Variants in CCNL1 observed in about 807,000 individuals in gnomAD.
CCNL1 encodes cyclin-L1.
Under a neutral mutation model 60.6 loss-of-function variants are expected in CCNL1, and 13 were observed. The observed-to-expected ratio is 0.21, with a 90% CI of 0.14 to 0.34. The LOEUF (loss-of-function observed/expected upper bound fraction) is 0.34. Among genes scored for constraint, CCNL1 ranks in the 10% least tolerant of loss-of-function variants. The pLI is 1.00. For synonymous variants in CCNL1, 270 were observed against 244.3 expected (o/e 1.10, Z -0.98); for missense variants, 481 against 664.3 (o/e 0.72, Z 3.03).
At chr3:157,153,358 G>A in intron 3 of CCNL1, 3 of 454,412 alleles carry the variant, frequency 6.6e-6, no homozygotes, top group Non-Finnish European at 1.2e-5. Flanking sequence ...AGTTCCTAAA[G>A]GAACTAACAA....
At position 157,152,255 on chromosome 3, in the gene CCNL1, G is replaced by GA. The variant is rs766969988; in HGVS notation, c.610-15dup. 43 of 1,600,332 alleles carry GA rather than the reference G, an allele frequency of 2.7e-5. No individual in the cohort carries two copies. The highest frequency in any genetic ancestry group is 4.1e-5 in the African/African-American group (3 of 73,900). On this transcript the variant is annotated splice_polypyrimidine_tract_variant and intron_variant, in intron 4 of 10. Coordinates refer to ENST00000295926, the MANE Select transcript of CCNL1 (RefSeq NM_020307.4). ...CATAACAATGATCTGAAGGACAAGG[G>GA]AAAAAAACTCAATTCAGTATACTGG... is the stretch of plus-strand genomic sequence containing the variant.
At chr3:157,159,662 G>A in intron 1 of CCNL1, 130 bp downstream of exon 1, 2 of 1,062,304 alleles carry the variant, frequency 1.9e-6, no homozygotes, top group East Asian at 5.4e-5. Flanking sequence ...CCCGGCCGCG[G>A]CTGGGCCCCG....
At position 157,149,986 on chromosome 3, in the gene CCNL1, G is replaced by GAA; in HGVS notation, c.880-10_880-9insTT. The GAA allele has an allele frequency of 1.3e-6, 2 of 1,535,726 alleles. No individual in the cohort carries two copies. Among genetic ancestry groups the GAA allele is most frequent in the Admixed American group, 2.1e-5 (1 of 47,706 alleles). Reference sequence around the variant, plus strand: ...AGTAATTCATAGTTTGGCTGTTGGAGGAAAAAAAAGTTAGTATTTCTTCCT... The same window carrying GAA: ...AGTAATTCATAGTTTGGCTGTTGGAGAAGAAAAAAAAGTTAGTATTTCTTCCT... On this transcript the variant is annotated splice_polypyrimidine_tract_variant and intron_variant, in intron 7 of 10. Coordinates refer to ENST00000295926, the MANE Select transcript of CCNL1 (RefSeq NM_020307.4).
At position 157,147,740 on chromosome 3, in the gene CCNL1, T is replaced by G. The variant is rs1014827040; in HGVS notation, c.*501A>C. 1.9e-5 allele frequency: 19 copies of G among 984,454 alleles called. No homozygotes were observed. Among genetic ancestry groups the G allele is most frequent in the Non-Finnish European group, 2.2e-5 (18 of 829,144 alleles). The allele number at this position is 984,454 out of a possible 1,614,324, so 61.0% of individuals were successfully genotyped here. A position where few individuals can be genotyped will look rare whatever the true frequency, so the allele number is the denominator to read the frequency against. ...TTTGTCAGAAAACCAGTACAGCCAT[T>G]TTGCTATTAAAATTTTCCTTTTTAA... is the stretch of plus-strand genomic sequence containing the variant. On this transcript the variant is annotated 3_prime_UTR_variant, in exon 11 of 11. Transcript: ENST00000295926.
intron 8 of CCNL1, 61 bp downstream of exon 8, chr3:157,149,775 C>G (rs759054446): frequency 3.6e-5 from 56 of 1,566,022 alleles, no homozygotes; most frequent in Non-Finnish European, 4.8e-5. Flanking sequence ...AATGTAAAAG[C>G]TCTCTAATAA....
chr3:157,156,670 A>C (rs1738647807), intron 3 of CCNL1, among the ~76,000 whole-genome samples: 1 of 152,240 alleles, frequency 6.6e-6, no homozygotes, highest in African/African-American at 2.4e-5. Context: ...AATGACCTAC[A>C]AGCAACATGA....
chr3:157,146,387 C>T (rs367792166), downstream of CCNL1: 50 of 305,990 alleles, frequency 1.6e-4, no homozygotes, highest in East Asian at 5.2e-3. Flanking sequence ...TCTAAAAACA[C>T]CTTTAACATA....
chr3:157,159,026 G>A, intron 2 of CCNL1, 51 bp from the exon 3 acceptor site: 3 of 1,241,534 alleles, frequency 2.4e-6, no homozygotes, highest in Non-Finnish European at 3.5e-6. Context: ...AACTCACTTT[G>A]AAGAATAAAA....
intron 8 of CCNL1, 81 bp downstream of exon 8, chr3:157,149,755 G>C: frequency 1.3e-6 from 2 of 1,534,504 alleles, no homozygotes; most frequent in East Asian, 2.3e-5. Flanking sequence ...TTTTCTCTAT[G>C]CAACTTTCAA....
Position 157,159,587 on chromosome 3 carries a change from C to T in CCNL1, c.304-108G>A, listed in dbSNP as rs567518242. ...CTTCCCTTTCCCCTCCCGCCGCCGCCGCCGCTGCGAACAGCCCGCTGCCAA... is the reference window on the plus strand; with the variant it reads ...CTTCCCTTTCCCCTCCCGCCGCCGCTGCCGCTGCGAACAGCCCGCTGCCAA... On this transcript the variant is annotated intron_variant, in intron 1 of 10. Transcript: ENST00000295926. 6.1e-6 allele frequency: 7 copies of T among 1,143,082 alleles called. No individual in the cohort carries two copies. The African/African-American group carries it at 6.3e-5, about 10-fold the overall frequency. The allele number at this position is 1,143,082 out of a possible 1,614,324, so 70.8% of individuals were successfully genotyped here. A position where few individuals can be genotyped will look rare whatever the true frequency, so the allele number is the denominator to read the frequency against.
intron 3 of CCNL1, chr3:157,154,604 C>T (rs1011952701): frequency 6.6e-6 from 1 of 152,178 alleles, no homozygotes; most frequent in African/African-American, 2.4e-5. Flanking sequence ...TTCATTACCC[C>T]TATGGTAACA....
At chr3:157,151,761 C>T in intron 5 of CCNL1, 1 of 1,020,662 alleles carries the variant, frequency 9.8e-7, no homozygotes, top group Non-Finnish European at 1.2e-6. Context: ...CCTTTTGACA[C>T]CCCGACAGAA....
chr3:157,150,013 A>G (rs757257554), intron 7 of CCNL1, 36 bp from the exon 8 acceptor site: 6 of 1,611,178 alleles, frequency 3.7e-6, no homozygotes, highest in Non-Finnish European at 4.2e-6. Flanking sequence ...TTTCTTCCTT[A>G]GAGTAGCTTG....
chr3:157,152,590 G>C, intron 4 of CCNL1: 1 of 1,080,200 alleles, frequency 9.3e-7, no homozygotes, highest in Non-Finnish European at 1.1e-6. Flanking sequence ...TCACTCTATG[G>C]CTTATATTGA....
chr3:157,152,901 TG>T (rs1738304236), intron 4 of CCNL1, 134 bp downstream of exon 4: 1 of 1,438,716 alleles, frequency 7.0e-7, no homozygotes. Context: ...TGTTTTTCGA[TG>T]AAGCCTGAAC....
chr3:157,146,613 AAAAAAAAAAAAAAAGTT>A (rs1224085619), downstream of CCNL1: 1 of 216,896 alleles, frequency 4.6e-6, no homozygotes, highest in Non-Finnish European at 9.4e-6. Flanking sequence ...CGTCTCTAAA[AAAAAAAAAAAAAAAGTT>A]AAAAAAAAAA....
chr3:157,143,919 G>C (rs1281334532), downstream of CCNL1, among the ~76,000 whole-genome samples: 1 of 152,170 alleles, frequency 6.6e-6, no homozygotes, highest in African/African-American at 2.4e-5. Flanking sequence ...TTATATATTA[G>C]AGCAATGTGA....
chr3:157,154,725 A>T (rs1738468207), intron 3 of CCNL1: 1 of 152,134 alleles, frequency 6.6e-6, no homozygotes. Flanking sequence ...ACAAGATAAA[A>T]GACAGCTGTT....
downstream of CCNL1, among the ~76,000 whole-genome samples, chr3:157,145,350 A>G (rs139389501): frequency 6.9e-3 from 996 of 144,352 alleles, 19 homozygotes; most frequent in African/African-American, 0.022. Context: ...AGGCAGGAGA[A>G]TGGCATGAAC....
Sources: allele counts gnomAD v4.1 joint callset (sites outside exome capture counted in the v4.1 genomes callset), GRCh38; gene constraint gnomAD v4.1.1; transcripts MANE v1.5; gene names NCBI Gene and HGNC (gene_info 2026-07-23, HGNC 2026-07-21).